The following GRM3 variants were observed in gnomAD, a reference collection of about 807,000 sequenced individuals.
The protein encoded by GRM3 is glutamate metabotropic receptor 3, also known as metabotropic glutamate receptor 3.
A neutral mutation model predicts 70.5 loss-of-function variants in GRM3; 26 were observed. That is an observed-to-expected ratio of 0.37 (90% CI 0.27 to 0.51). The LOEUF (loss-of-function observed/expected upper bound fraction) is 0.51. GRM3 is among the 20% of genes least tolerant of loss of function. GRM3 has a pLI of 0.93. For synonymous variants in GRM3, 443 were observed against 434.9 expected (o/e 1.02, Z -0.23); for missense variants, 859 against 1,123.8 (o/e 0.76, Z 3.37).
At chr7:86,808,226 G>C (rs1222220410) in intron 3 of GRM3, among the ~76,000 whole-genome samples, 1 of 152,058 alleles carries the variant, frequency 6.6e-6, no homozygotes, top group Non-Finnish European at 1.5e-5. Context: ...CTGTGTCTCT[G>C]CCAGGCATTG....
chr7:86,713,081 G>A (rs1033123797), intron 1 of GRM3, among the ~76,000 whole-genome samples: 2 of 151,950 alleles, frequency 1.3e-5, no homozygotes, highest in African/African-American at 4.8e-5. Context: ...GTACTAATTT[G>A]CATTCCTACC....
rs914813945 is a variant in GRM3, at chr7:86,644,557, C to T, written c.-456C>T. The T allele has an allele frequency of 2.8e-5, 11 of 396,402 alleles. No individual in the cohort carries two copies. Among genetic ancestry groups the T allele is most frequent in the Admixed American group, 1.4e-4 (5 of 36,368 alleles). The allele number at this position is 396,402 out of a possible 1,614,324, so 24.6% of individuals were successfully genotyped here. A position where few individuals can be genotyped will look rare whatever the true frequency, so the allele number is the denominator to read the frequency against. ...CCTCTTTCCCCAACCTCCTCCCTCT[C>T]TTCTACTCCACCCCTCCGTTTTCCC... On this transcript the variant is annotated 5_prime_UTR_variant, in exon 1 of 6. Transcript: ENST00000361669.
intron 1 of GRM3, among the ~76,000 whole-genome samples, chr7:86,741,591 AC>A (rs1323581772): frequency 1.3e-5 from 2 of 152,164 alleles, no homozygotes; most frequent in Non-Finnish European, 2.9e-5. Flanking sequence ...CTAATTTGCT[AC>A]CCAAAACAAG....
At chr7:86,738,122 T>C (rs1795906020) in intron 1 of GRM3, among the ~76,000 whole-genome samples, 1 of 151,660 alleles carries the variant, frequency 6.6e-6, no homozygotes, top group African/African-American at 2.4e-5. Context: ...ATTTATTTCC[T>C]TGGGATGCTC....
intron 3 of GRM3, among the ~76,000 whole-genome samples, chr7:86,789,265 A>G (rs561978694): frequency 6.6e-6 from 1 of 152,328 alleles, no homozygotes; most frequent in African/African-American, 2.4e-5. Flanking sequence ...CACAAGGTAA[A>G]TATTCTCAGC....
intron 1 of GRM3, among the ~76,000 whole-genome samples, chr7:86,705,403 C>G (rs1795033890): frequency 6.6e-6 from 1 of 151,970 alleles, no homozygotes; most frequent in Admixed American, 6.6e-5. Context: ...AGAGTCATCT[C>G]TATTTCTCAA....
At chr7:86,708,165 T>A (rs186794479) in intron 1 of GRM3, among the ~76,000 whole-genome samples, 1 of 152,264 alleles carries the variant, frequency 6.6e-6, no homozygotes, top group Non-Finnish European at 1.5e-5. Flanking sequence ...TTTCAACCCA[T>A]AGGCCCTTTA....
At chr7:86,672,655 G>A (rs945274920) in intron 1 of GRM3, among the ~76,000 whole-genome samples, 1 of 151,518 alleles carries the variant, frequency 6.6e-6, no homozygotes, top group Admixed American at 6.6e-5. Flanking sequence ...GAACACATCC[G>A]GTGTGTGTGA....
At chr7:86,809,270 C>T (rs1797863181) in intron 3 of GRM3, among the ~76,000 whole-genome samples, 1 of 152,032 alleles carries the variant, frequency 6.6e-6, no homozygotes, top group Admixed American at 6.6e-5. Flanking sequence ...CAAGACTCAA[C>T]TAAACTCAAA....
chr7:86,694,587 C>A (rs1280568365), intron 1 of GRM3, among the ~76,000 whole-genome samples: 2 of 148,784 alleles, frequency 1.3e-5, no homozygotes, highest in African/African-American at 4.9e-5. Flanking sequence ...GAAAACCGAA[C>A]CTCATTCTGA....
intron 1 of GRM3, among the ~76,000 whole-genome samples, chr7:86,741,570 G>C (rs556876399): frequency 6.6e-6 from 1 of 152,288 alleles, no homozygotes; most frequent in African/African-American, 2.4e-5. Context: ...CTGAGTGCCA[G>C]TTTCAGCTCA....
chr7:86,651,504 G>A lies in GRM3; in HGVS notation c.-141+6632G>A, dbSNP rs138269453. On this transcript the variant is annotated intron_variant, in intron 1 of 5. Transcript: ENST00000361669. ...GAGATGGCACTACAAGGTCAAAAACGTTGGAATTTATATCTGCCTCAAGGA... is the reference window on the plus strand; with the variant it reads ...GAGATGGCACTACAAGGTCAAAAACATTGGAATTTATATCTGCCTCAAGGA... 5.4e-3 allele frequency among the ~76,000 whole-genome samples: 817 copies of A among 152,244 alleles called. 4 individuals are homozygous for A. Among genetic ancestry groups the A allele is most frequent in the Non-Finnish European group, 6.6e-3 (452 of 68,018 alleles).
At chr7:86,688,247 A>G (rs1241125562) in intron 1 of GRM3, among the ~76,000 whole-genome samples, 1 of 151,800 alleles carries the variant, frequency 6.6e-6, no homozygotes, top group Non-Finnish European at 1.5e-5. Flanking sequence ...TATTCTGTTT[A>G]CAGAAGTAAC....
At chr7:86,703,190 T>C (rs938069711) in intron 1 of GRM3, among the ~76,000 whole-genome samples, 2 of 151,932 alleles carry the variant, frequency 1.3e-5, no homozygotes, top group Non-Finnish European at 2.9e-5. Flanking sequence ...AAATTTAAAT[T>C]TTATAATCAT....
chr7:86,657,662 T>C (rs1329972129), intron 1 of GRM3, among the ~76,000 whole-genome samples: 2 of 151,972 alleles, frequency 1.3e-5, no homozygotes, highest in East Asian at 3.9e-4. Flanking sequence ...GAAAGCACAA[T>C]GTGAAGATAA....
At chr7:86,719,129 A>G (rs1448664517) in intron 1 of GRM3, among the ~76,000 whole-genome samples, 5 of 148,442 alleles carry the variant, frequency 3.4e-5, no homozygotes, top group Non-Finnish European at 5.9e-5. Flanking sequence ...GTTCTGGGGG[A>G]AAAAAAAGAT....
rs2116738693 is a variant in GRM3 at position 86,839,719 on chromosome 7, C to T, written c.2205C>T (p.Ser735=). 1.2e-6 allele frequency: 2 copies of T among 1,614,094 alleles called. No individual in the cohort carries two copies. Among genetic ancestry groups the T allele is most frequent in the Non-Finnish European group, 8.5e-7 (1 of 1,179,992 alleles). The stretch of plus-strand genomic sequence containing the variant: ...TCCTAAAATGCAATGTCAAAGATTC[C>T]AGCATGTTGATCTCTCTTACCTACG... ...TVILKCNVKD[S]SMLISLTYDV... Residue 735 remains serine (S), a synonymous_variant, in exon 4 of 6, where the codon TCC becomes TCT. Transcript: ENST00000361669. This position sits in a 1 kb window ranked among gnomAD's most constrained non-coding sequence, Gnocchi z 4.5.
chr7:86,730,163 G>C (rs1795695162), intron 1 of GRM3, among the ~76,000 whole-genome samples: 2 of 151,716 alleles, frequency 1.3e-5, no homozygotes, highest in Admixed American at 1.3e-4. Context: ...GCTCATGCCT[G>C]TAATCCCAGC....
chr7:86,727,053 A>G (rs1293197113), intron 1 of GRM3, among the ~76,000 whole-genome samples: 1 of 152,202 alleles, frequency 6.6e-6, no homozygotes, highest in African/African-American at 2.4e-5. Flanking sequence ...TCAAGTTAGA[A>G]TAAGACACAG....
Sources: allele counts gnomAD v4.1 joint callset (sites outside exome capture counted in the v4.1 genomes callset), GRCh38; gene constraint gnomAD v4.1.1; non-coding constraint Gnocchi (gnomAD v3.1); transcripts MANE v1.5; gene names NCBI Gene and HGNC (gene_info 2026-07-23, HGNC 2026-07-21).